ANO10: variants seen among roughly 807,000 people sequenced by gnomAD.
ANO10 encodes the protein anoctamin 10.
A neutral mutation model predicts 74.7 loss-of-function variants in ANO10; 77 were observed. The observed-to-expected ratio is 1.03, with a 90% CI of 0.86 to 1.25. The LOEUF is 1.25. ANO10 is among the 50% of genes most tolerant of loss of function. The probability of loss-of-function intolerance (pLI) is 0.00; values close to 1 mark genes in which losing one functional copy is unlikely to be tolerated. For missense variants in ANO10, 721 were observed against 778.1 expected (o/e 0.93, Z 0.87); for synonymous variants, 279 against 284.9 (o/e 0.98, Z 0.21).
At chr3:43,606,744 C>T (rs1559773636) in intron 1 of ANO10, among the ~76,000 whole-genome samples, 1 of 152,004 alleles carries the variant, frequency 6.6e-6, no homozygotes. Context: ...CTCAGCTAGG[C>T]AGAACCACTA....
intron 1 of ANO10, among the ~76,000 whole-genome samples, chr3:43,679,699 C>A (rs1212689479): frequency 6.6e-6 from 1 of 152,206 alleles, no homozygotes; most frequent in East Asian, 1.9e-4. Context: ...CCAGTAGGGG[C>A]AGACTGTCAC....
chr3:43,647,178 T>C (rs2083735634), intron 1 of ANO10, among the ~76,000 whole-genome samples: 1 of 151,542 alleles, frequency 6.6e-6, no homozygotes, highest in African/African-American at 2.4e-5. Flanking sequence ...TGTGTGTGTG[T>C]GTGTGTGTGT....
rs774186565 is a variant in ANO10 at position 43,565,737 on chromosome 3, A to C, written c.1219-10T>G. On this transcript the variant is annotated splice_polypyrimidine_tract_variant and intron_variant, in intron 7 of 12. Transcript: ENST00000292246. ...AATTGAGGAAGTTGAACTGCCAAAA[A>C]AAAAAAAAAAAAAGATAAGTGTTAA... 3 of 1,514,132 alleles carry C rather than the reference A, an allele frequency of 2.0e-6. No individual in the cohort carries two copies. The African/African-American group carries it at 4.2e-5, about 21-fold the overall frequency. 93.8% of individuals were successfully genotyped at this position (1,514,132 alleles called of 1,614,324 possible). A position where few individuals can be genotyped will look rare whatever the true frequency, so the allele number is the denominator to read the frequency against.
intron 12 of ANO10, among the ~76,000 whole-genome samples, chr3:43,371,505 AG>A: frequency 6.6e-6 from 1 of 152,224 alleles, no homozygotes; most frequent in South Asian, 2.1e-4. Context: ...GCCTGGGCAC[AG>A]GGACTTTTCA....
intron 1 of ANO10, among the ~76,000 whole-genome samples, chr3:43,642,166 T>G (rs1278600408): frequency 6.6e-6 from 1 of 152,250 alleles, no homozygotes; most frequent in African/African-American, 2.4e-5. Flanking sequence ...AATACACTTT[T>G]AAAAGGTTAT....
At chr3:43,551,720 G>A in intron 10 of ANO10, 6 of 341,224 alleles carry the variant, frequency 1.8e-5, no homozygotes, top group South Asian at 1.2e-4. Context: ...TTGCACAGAT[G>A]TCTATTTTAT....
chr3:43,430,594 A>G (rs897838517), intron 12 of ANO10, among the ~76,000 whole-genome samples: 2 of 151,992 alleles, frequency 1.3e-5, no homozygotes, highest in African/African-American at 4.8e-5. Context: ...TGAAATCCCC[A>G]GTTTTATTTG....
Position 43,367,027 on chromosome 3 carries a change from C to T in ANO10, c.1915-53G>A, listed in dbSNP as rs764369738. On this transcript the variant is annotated intron_variant, in intron 12 of 12. Transcript: ENST00000292246. ...GAGCCACAGAAGCCTAAGTAGTGGC[C>T]GAGGCCTCTGCTCTCTGTGGAAGCC... 13 of 1,521,648 alleles carry T rather than the reference C, an allele frequency of 8.5e-6. 1 individual carries two copies. Among genetic ancestry groups the T allele is most frequent in the East Asian group, 7.1e-5 (3 of 42,102 alleles). 94.3% of individuals were successfully genotyped at this position (1,521,648 alleles called of 1,614,324 possible). A position where few individuals can be genotyped will look rare whatever the true frequency, so the allele number is the denominator to read the frequency against.
chr3:43,609,485 A>C (rs574056777), intron 1 of ANO10, among the ~76,000 whole-genome samples: 2 of 152,378 alleles, frequency 1.3e-5, no homozygotes, highest in East Asian at 1.9e-4. Flanking sequence ...AGACAACACC[A>C]ACAATGAACT....
chr3:43,558,313 G>A (rs2079860691), intron 9 of ANO10, among the ~76,000 whole-genome samples: 1 of 152,110 alleles, frequency 6.6e-6, no homozygotes, highest in Non-Finnish European at 1.5e-5. Flanking sequence ...GCAATATGAT[G>A]TTCTACTTGG....
intron 11 of ANO10, among the ~76,000 whole-genome samples, chr3:43,535,267 C>CTT (rs71616100): frequency 0.028 from 3,001 of 107,792 alleles, 103 homozygotes; most frequent in African/African-American, 0.066. Context: ...CCTAGACATT[C>CTT]TTTTTTTTTT....
intron 1 of ANO10, among the ~76,000 whole-genome samples, chr3:43,661,086 C>G: frequency 6.6e-6 from 1 of 152,010 alleles, no homozygotes; most frequent in East Asian, 1.9e-4. Context: ...AAGAGCAACC[C>G]CAAGAAACAT....
intron 12 of ANO10, among the ~76,000 whole-genome samples, chr3:43,400,222 C>T (rs1014766341): frequency 6.6e-6 from 1 of 151,540 alleles, no homozygotes; most frequent in African/African-American, 2.4e-5. Context: ...GAGGCAGAGG[C>T]AAGTGGGGTA....
intron 11 of ANO10, among the ~76,000 whole-genome samples, chr3:43,507,971 T>C (rs1465071811): frequency 6.6e-6 from 1 of 152,204 alleles, no homozygotes; most frequent in Non-Finnish European, 1.5e-5. Flanking sequence ...TGATGTTCCT[T>C]ATTAAAGAAC....
intron 11 of ANO10, among the ~76,000 whole-genome samples, chr3:43,494,352 C>G (rs1017227536): frequency 1.1e-4 from 17 of 152,130 alleles, no homozygotes; most frequent in African/African-American, 4.1e-4. Flanking sequence ...ACTCAGGCGG[C>G]TGAGGCAGGA....
rs5848663 is a variant in ANO10 at position 43,432,944 on chromosome 3, C to CTTTTTTTTTTTTTTT, written c.1798-232_1798-218dup. Among the ~76,000 whole-genome samples the CTTTTTTTTTTTTTTT allele has an allele frequency of 2.9e-3, 162 of 55,282 alleles. 33 individuals are homozygous for CTTTTTTTTTTTTTTT. The highest frequency in any genetic ancestry group is 4.4e-3 in the Non-Finnish European group (133 of 30,052). The allele number at this position is 55,282 out of a possible 152,430, so 36.3% of individuals were successfully genotyped here. A position where few individuals can be genotyped will look rare whatever the true frequency, so the allele number is the denominator to read the frequency against. On this transcript the variant is annotated intron_variant, in intron 11 of 12. Transcript: ENST00000292246. Reference sequence around the variant, plus strand: ...CAGTAATTACTGACTTTGCTTAATTCTTTTTTTTTTTTTTTTTTTTTTTTT... The same window carrying CTTTTTTTTTTTTTTT: ...CAGTAATTACTGACTTTGCTTAATTCTTTTTTTTTTTTTTTTTTTTTTTTTTTTTTTTTTTTTTTT...
In ANO10 at chr3:43,549,866, G is replaced by A; in HGVS notation, c.1669-18C>T. On this transcript the variant is annotated intron_variant, in intron 10 of 12. Transcript: ENST00000292246. ...AAAGCCAACTAAAAGAAAAAAGAATGGAAATTAAAAATTGCAATGACTGCT... is the reference window on the plus strand; with the variant it reads ...AAAGCCAACTAAAAGAAAAAAGAATAGAAATTAAAAATTGCAATGACTGCT... 6.2e-7 allele frequency: 1 copy of A among 1,613,130 alleles called. No individual in the cohort carries two copies. Among genetic ancestry groups the A allele is most frequent in the African/African-American group, 1.3e-5 (1 of 74,956 alleles).
Position 43,405,340 on chromosome 3 carries a change from G to A in ANO10, c.1914+27271C>T, listed in dbSNP as rs1346819037. 8.5e-5 allele frequency among the ~76,000 whole-genome samples: 13 copies of A among 152,168 alleles called. No individual in the cohort carries two copies. The South Asian group carries it at 1.0e-3, about 12-fold the overall frequency. ...CCCATGGATTCCTAAAGCAGTCCAC[G>A]GGGAGGAGGGCAGAAGTGATGTGAG... On this transcript the variant is annotated intron_variant, in intron 12 of 12. Coordinates refer to ENST00000292246, the MANE Select transcript of ANO10 (RefSeq NM_018075.5).
At chr3:43,549,488 T>G (rs1224771485) in intron 11 of ANO10, among the ~76,000 whole-genome samples, 1 of 152,168 alleles carries the variant, frequency 6.6e-6, no homozygotes, top group East Asian at 1.9e-4. Context: ...AGCATAATAG[T>G]GGAAAAGTCA....
Sources: allele counts gnomAD v4.1 joint callset (sites outside exome capture counted in the v4.1 genomes callset), GRCh38; gene constraint gnomAD v4.1.1; transcripts MANE v1.5; gene names NCBI Gene and HGNC (gene_info 2026-07-23, HGNC 2026-07-21).